The following OTUD4 variants were observed in gnomAD, a reference collection of about 807,000 sequenced individuals.
The protein encoded by OTUD4 is OTU deubiquitinase 4.
OTUD4 carries 24 observed loss-of-function variants against 130.4 expected under a neutral mutation model. That is an observed-to-expected ratio of 0.18 (90% CI 0.13 to 0.26). The LOEUF (loss-of-function observed/expected upper bound fraction) is 0.26, where lower values mean the gene tolerates loss of function less well. Among genes scored for constraint, OTUD4 ranks in the 10% least tolerant of loss-of-function variants. The probability of loss-of-function intolerance (pLI) is 1.00; values close to 1 mark genes in which losing one functional copy is unlikely to be tolerated. For missense variants in OTUD4, 1,031 were observed against 1,329.4 expected (o/e 0.78, Z 3.49); for synonymous variants, 420 against 472.5 (o/e 0.89, Z 1.44).
At chr4:145,143,481 C>A in intron 16 of OTUD4, 36 bp from the exon 17 acceptor site, 1 of 1,226,182 alleles carries the variant, frequency 8.2e-7, no homozygotes, top group South Asian at 1.2e-5. Context: ...TTTTGTATTT[C>A]AGAGACCCAC....
chr4:145,166,836 T>A (rs1378421423), intron 3 of OTUD4, among the ~76,000 whole-genome samples: 1 of 152,186 alleles, frequency 6.6e-6, no homozygotes, highest in East Asian at 1.9e-4. Context: ...CGAAACTATG[T>A]CTCATAAAAA....
intron 14 of OTUD4, among the ~76,000 whole-genome samples, chr4:145,145,294 C>G (rs1750767418): frequency 6.6e-6 from 1 of 152,092 alleles, no homozygotes; most frequent in Admixed American, 6.5e-5. Flanking sequence ...ATAAACAATG[C>G]TTATTTATGT....
intron 4 of OTUD4, among the ~76,000 whole-genome samples, chr4:145,164,465 G>C (rs1205269688): frequency 6.6e-6 from 1 of 151,408 alleles, no homozygotes; most frequent in African/African-American, 2.4e-5. Flanking sequence ...AATTCTAAAG[G>C]GACACTTCAA....
At position 145,165,060 on chromosome 4, in the gene OTUD4, AAG is replaced by A. The variant is rs1297098841; in HGVS notation, c.341+89_341+90del. On this transcript the variant is annotated intron_variant, in intron 4 of 20. Coordinates refer to ENST00000447906, the MANE Select transcript of OTUD4 (RefSeq NM_001366057.1). ...AAGATACTTCATAACTAAAGTATAA[AAG>A]AGCTTTGCTATTTTAACATTTTTAA... 4.4e-6 allele frequency: 3 copies of A among 686,184 alleles called. No homozygotes were observed. The African/African-American group carries it at 5.4e-5, about 12-fold the overall frequency. 42.5% of individuals were successfully genotyped at this position (686,184 alleles called of 1,614,324 possible). A position where few individuals can be genotyped will look rare whatever the true frequency, so the allele number is the denominator to read the frequency against.
intron 2 of OTUD4, among the ~76,000 whole-genome samples, chr4:145,174,451 A>G (rs1427892682): frequency 6.6e-6 from 1 of 152,168 alleles, no homozygotes; most frequent in Non-Finnish European, 1.5e-5. Flanking sequence ...AGCTTTCTAA[A>G]TGTCCAAATA....
intron 7 of OTUD4, among the ~76,000 whole-genome samples, chr4:145,156,779 A>G (rs1751316775): frequency 6.6e-6 from 1 of 152,162 alleles, no homozygotes; most frequent in Non-Finnish European, 1.5e-5. Context: ...ACACCTACAC[A>G]TTCATATACT....
chr4:145,160,077 C>T (rs1272250292), intron 6 of OTUD4, among the ~76,000 whole-genome samples: 2 of 152,174 alleles, frequency 1.3e-5, no homozygotes, highest in Admixed American at 1.3e-4. Flanking sequence ...TGTCATACAA[C>T]ATGCCCAATC....
At chr4:145,159,426 T>G (rs1418545784) in intron 7 of OTUD4, 77 bp downstream of exon 7, 2 of 711,674 alleles carry the variant, frequency 2.8e-6, no homozygotes, top group Non-Finnish European at 4.3e-6. Flanking sequence ...TAGAAAGACA[T>G]TTACTGAAAT....
At chr4:145,158,254 C>T (rs1407690488) in intron 7 of OTUD4, among the ~76,000 whole-genome samples, 3 of 152,060 alleles carry the variant, frequency 2.0e-5, no homozygotes, top group Non-Finnish European at 4.4e-5. Flanking sequence ...GAGGCCAAGG[C>T]GGGTGATCAC....
At chr4:145,167,479 C>T (rs951761647) in intron 3 of OTUD4, among the ~76,000 whole-genome samples, 6 of 152,120 alleles carry the variant, frequency 3.9e-5, no homozygotes, top group Admixed American at 3.9e-4. Flanking sequence ...TAGAGGAAAC[C>T]GTTCACTGAT....
At chr4:145,158,135 A>G (rs1327607780) in intron 7 of OTUD4, among the ~76,000 whole-genome samples, 1 of 152,248 alleles carries the variant, frequency 6.6e-6, no homozygotes, top group Non-Finnish European at 1.5e-5. Flanking sequence ...AATGGTGGCC[A>G]AATTTTCAAT....
chr4:145,157,887 C>T (rs960876808), intron 7 of OTUD4, among the ~76,000 whole-genome samples: 11 of 152,078 alleles, frequency 7.2e-5, no homozygotes, highest in African/African-American at 2.7e-4. Flanking sequence ...CCATACAAGA[C>T]CCAGTTGTTT....
Position 145,137,329 on chromosome 4 carries a change from A to G in OTUD4, c.*101T>C. ...AAGGTAAGGGGGGCTGGGGAGAGGA[A>G]AGAGTTCCAACTGCGGTTTTTACTT... is the stretch of plus-strand genomic sequence containing the variant. On this transcript the variant is annotated 3_prime_UTR_variant, in exon 21 of 21. Coordinates refer to ENST00000447906, the MANE Select transcript of OTUD4 (RefSeq NM_001366057.1). 1.0e-6 allele frequency: 1 copy of G among 971,802 alleles called. No homozygotes were observed. Among genetic ancestry groups the G allele is most frequent in the Admixed American group, 2.2e-5 (1 of 44,702 alleles). 60.2% of individuals were successfully genotyped at this position (971,802 alleles called of 1,614,324 possible). A position where few individuals can be genotyped will look rare whatever the true frequency, so the allele number is the denominator to read the frequency against.
chr4:145,143,308 A>G, intron 17 of OTUD4, 57 bp downstream of exon 17: 1 of 1,089,062 alleles, frequency 9.2e-7, no homozygotes, highest in Non-Finnish European at 1.4e-6. Flanking sequence ...CCCTATACAC[A>G]GAGCACAGAA....
intron 1 of OTUD4, among the ~76,000 whole-genome samples, chr4:145,176,998 T>C (rs781165491): frequency 6.6e-6 from 1 of 152,250 alleles, no homozygotes; most frequent in Non-Finnish European, 1.5e-5. Flanking sequence ...TATTAAACTA[T>C]ATTCTTATAT....
intron 1 of OTUD4, 25 bp downstream of exon 1, chr4:145,179,790 G>GGCCC: frequency 1.4e-6 from 1 of 703,088 alleles, no homozygotes; most frequent in Non-Finnish European, 1.9e-6. Context: ...TCCCCTCGAA[G>GGCCC]CCCTCCCCGC....
At chr4:145,159,824 A>C (rs1332503445) in intron 6 of OTUD4, among the ~76,000 whole-genome samples, 189 bp from the exon 7 acceptor site, 1 of 152,242 alleles carries the variant, frequency 6.6e-6, no homozygotes, top group African/African-American at 2.4e-5. Context: ...AAATTTCTGT[A>C]AGTGCAGTTA....
intron 11 of OTUD4, among the ~76,000 whole-genome samples, 186 bp from the exon 12 acceptor site, chr4:145,151,091 T>C (rs140655707): frequency 6.6e-6 from 1 of 152,202 alleles, no homozygotes; most frequent in East Asian, 1.9e-4. Flanking sequence ...AAAAATGATA[T>C]AAATCAAAAG....
intron 3 of OTUD4, among the ~76,000 whole-genome samples, chr4:145,165,895 C>T (rs1751845022): frequency 6.6e-6 from 1 of 152,110 alleles, no homozygotes; most frequent in South Asian, 2.1e-4. Flanking sequence ...GGCGCAGTGG[C>T]TCATGCCTGT....
Sources: allele counts gnomAD v4.1 joint callset (sites outside exome capture counted in the v4.1 genomes callset), GRCh38; gene constraint gnomAD v4.1.1; transcripts MANE v1.5; gene names NCBI Gene and HGNC (gene_info 2026-07-23, HGNC 2026-07-21).